The following CYP39A1 variants were observed in gnomAD, a reference collection of about 807,000 sequenced individuals.
CYP39A1 encodes cytochrome P450 family 39 subfamily A member 1.
A neutral mutation model predicts 58.1 loss-of-function variants in CYP39A1; 49 were observed. The observed-to-expected ratio is 0.84, with a 90% confidence interval of 0.67 to 1.07. The LOEUF is 1.07. Among genes scored for constraint, CYP39A1 ranks in the 50% least tolerant of loss-of-function variants. The pLI is 0.00. For missense variants in CYP39A1, 531 were observed against 539.4 expected (o/e 0.98, Z 0.16); for synonymous variants, 209 against 187.6 (o/e 1.11, Z -0.93).
chr6:46,624,671 GA>G (rs1775191994), intron 7 of CYP39A1, among the ~76,000 whole-genome samples: 1 of 151,966 alleles, frequency 6.6e-6, no homozygotes, highest in South Asian at 2.1e-4. Context: ...TTTCTTCCAA[GA>G]AAACCCTATC....
chr6:46,582,298 G>A (rs917963693), intron 10 of CYP39A1, among the ~76,000 whole-genome samples: 1 of 152,102 alleles, frequency 6.6e-6, no homozygotes, highest in African/African-American at 2.4e-5. Flanking sequence ...AAGTATAAAA[G>A]GGAGAAAGCT....
intron 10 of CYP39A1, among the ~76,000 whole-genome samples, chr6:46,555,679 T>A (rs1770636700): frequency 6.6e-6 from 1 of 152,224 alleles, no homozygotes; most frequent in African/African-American, 2.4e-5. Context: ...AAGCAGGAAC[T>A]ATGTCTTATC....
chr6:46,635,204 GT>G (rs1488233996), intron 5 of CYP39A1, among the ~76,000 whole-genome samples: 1 of 152,174 alleles, frequency 6.6e-6, no homozygotes, highest in South Asian at 2.1e-4. Context: ...TGTTTGAAGA[GT>G]TTTTTTAAAT....
chr6:46,630,292 G>C (rs1339669767), intron 6 of CYP39A1, among the ~76,000 whole-genome samples: 1 of 152,100 alleles, frequency 6.6e-6, no homozygotes, highest in Non-Finnish European at 1.5e-5. Context: ...CAAATGGAGA[G>C]AAAGAGCTAA....
chr6:46,550,238 G>T lies in CYP39A1; in HGVS notation c.*128C>A. On this transcript the variant is annotated 3_prime_UTR_variant, in exon 12 of 12. Coordinates refer to ENST00000275016, the MANE Select transcript of CYP39A1 (RefSeq NM_016593.5). Reference sequence around the variant, plus strand: ...TACCAAACACATGCACCATTTGAATGTGTTCTTGAACTAAGTCCTAAAACA... The same window carrying T: ...TACCAAACACATGCACCATTTGAATTTGTTCTTGAACTAAGTCCTAAAACA... The T allele has an allele frequency of 1.6e-6, 1 of 617,464 alleles. No individual in the cohort carries two copies. The allele number at this position is 617,464 out of a possible 1,614,324, so 38.2% of individuals were successfully genotyped here. A position where few individuals can be genotyped will look rare whatever the true frequency, so the allele number is the denominator to read the frequency against.
chr6:46,597,151 A>C (rs1400930248), intron 7 of CYP39A1, among the ~76,000 whole-genome samples: 3 of 152,064 alleles, frequency 2.0e-5, no homozygotes, highest in Non-Finnish European at 4.4e-5. Flanking sequence ...ATTCCTAAGG[A>C]GTCAGAAGCA....
chr6:46,555,511 A>C (rs1582282262), intron 10 of CYP39A1, among the ~76,000 whole-genome samples: 1 of 151,688 alleles, frequency 6.6e-6, no homozygotes, highest in East Asian at 1.9e-4. Context: ...TCCATAGAGA[A>C]GATTCAATTT....
intron 10 of CYP39A1, among the ~76,000 whole-genome samples, chr6:46,584,598 T>G (rs1772347828): frequency 6.6e-6 from 1 of 152,152 alleles, no homozygotes; most frequent in Non-Finnish European, 1.5e-5. Context: ...AGTTCTTTAT[T>G]AGTGCCATGT....
intron 1 of CYP39A1, among the ~76,000 whole-genome samples, chr6:46,645,279 T>C (rs1318872400): frequency 6.6e-6 from 1 of 152,218 alleles, no homozygotes; most frequent in Non-Finnish European, 1.5e-5. Context: ...TGTTTTACAT[T>C]TAAGTCTGTT....
chr6:46,580,269 A>T (rs1772055724), intron 10 of CYP39A1, among the ~76,000 whole-genome samples: 2 of 152,222 alleles, frequency 1.3e-5, no homozygotes, highest in South Asian at 4.1e-4. Context: ...TACCCTGTTC[A>T]ATAAATGGTG....
intron 8 of CYP39A1, among the ~76,000 whole-genome samples, chr6:46,588,769 T>G (rs1057258410): frequency 1.3e-5 from 2 of 152,150 alleles, no homozygotes; most frequent in African/African-American, 4.8e-5. Flanking sequence ...TGTGTATTTG[T>G]TTGGTTGGGT....
chr6:46,590,682 A>G (rs1021148378), intron 8 of CYP39A1, among the ~76,000 whole-genome samples: 4 of 152,222 alleles, frequency 2.6e-5, no homozygotes, highest in Admixed American at 6.6e-5. Flanking sequence ...TCTGACACCC[A>G]AAGACAGTCA....
intron 7 of CYP39A1, among the ~76,000 whole-genome samples, chr6:46,621,987 T>C (rs537702758): frequency 2.0e-5 from 3 of 152,154 alleles, no homozygotes; most frequent in Non-Finnish European, 4.4e-5. Context: ...ATTCCAGAAA[T>C]GCATGGATGC....
intron 1 of CYP39A1, among the ~76,000 whole-genome samples, chr6:46,649,363 C>T (rs1762531400): frequency 6.6e-6 from 1 of 152,192 alleles, no homozygotes; most frequent in Admixed American, 6.5e-5. Flanking sequence ...TCACTTGTGC[C>T]ATATTGTGTT....
intron 7 of CYP39A1, among the ~76,000 whole-genome samples, chr6:46,619,097 T>A (rs1339044731): frequency 6.6e-6 from 1 of 152,130 alleles, no homozygotes; most frequent in Non-Finnish European, 1.5e-5. Flanking sequence ...TAATAAAGGA[T>A]CTAGCTCCTT....
At chr6:46,629,101 C>T (rs1775496293) in intron 6 of CYP39A1, among the ~76,000 whole-genome samples, 1 of 152,178 alleles carries the variant, frequency 6.6e-6, no homozygotes, top group Admixed American at 6.5e-5. Context: ...AAAGCCTCTC[C>T]AGGATCTCTG....
chr6:46,625,115 G>A (rs1775227788), intron 7 of CYP39A1, among the ~76,000 whole-genome samples: 1 of 151,922 alleles, frequency 6.6e-6, no homozygotes, highest in African/African-American at 2.4e-5. Context: ...ATTGAGGTGA[G>A]GATCCAAGAC....
At chr6:46,649,088 A>G (rs771548440) in intron 1 of CYP39A1, among the ~76,000 whole-genome samples, 14 of 152,332 alleles carry the variant, frequency 9.2e-5, no homozygotes, top group Middle Eastern at 3.4e-3. Context: ...TTTCGTAACT[A>G]AAGATTGGGT....
chr6:46,608,802 C>T (rs1000121095), intron 7 of CYP39A1, among the ~76,000 whole-genome samples: 2 of 151,724 alleles, frequency 1.3e-5, no homozygotes, highest in Non-Finnish European at 2.9e-5. Flanking sequence ...TTAGTAGAGA[C>T]GGGGTTTCAC....
Sources: gnomAD v4.1 joint callset for allele counts (sites outside exome capture counted in the v4.1 genomes callset) on GRCh38, gnomAD v4.1.1 for gene constraint, MANE v1.5 for transcripts, NCBI Gene and HGNC (gene_info 2026-07-23, HGNC 2026-07-21) for gene names.